Variants in DPYSL5 observed in about 807,000 individuals in gnomAD.
DPYSL5 encodes the protein dihydropyrimidinase like 5.
DPYSL5 carries 9 observed loss-of-function variants against 58.4 expected under a neutral mutation model. That is an observed-to-expected ratio of 0.15 (90% CI 0.09 to 0.27). The LOEUF is 0.27. Among genes scored for constraint, DPYSL5 ranks in the 10% least tolerant of loss-of-function variants. DPYSL5 has a pLI of 1.00. For synonymous variants in DPYSL5, 293 were observed against 301.9 expected, an observed-to-expected ratio of 0.97 and a Z score of 0.31; for missense variants, 499 against 770.6, an observed-to-expected ratio of 0.65 and a Z score of 4.17.
chr2:26,868,247 C>T (rs552390790), intron 1 of DPYSL5, among the ~76,000 whole-genome samples: 2 of 152,244 alleles, frequency 1.3e-5, no homozygotes, highest in South Asian at 2.1e-4. Context: ...CTGTCATATG[C>T]GCTGCACATG....
At chr2:26,881,710 T>A (rs1364942539) in intron 1 of DPYSL5, among the ~76,000 whole-genome samples, 1 of 152,164 alleles carries the variant, frequency 6.6e-6, no homozygotes, top group African/African-American at 2.4e-5. Context: ...TAAGTACAAG[T>A]ATCTGGTGCC....
chr2:26,875,831 C>T (rs1663397026), intron 1 of DPYSL5, among the ~76,000 whole-genome samples: 1 of 152,124 alleles, frequency 6.6e-6, no homozygotes, highest in Non-Finnish European at 1.5e-5. Context: ...GTTCCAATTC[C>T]ACCTCTCCTA....
rs772554021 is a variant in DPYSL5 at position 26,864,526 on chromosome 2, G to T, written c.-5+16272G>T. 2.0e-5 allele frequency among the ~76,000 whole-genome samples: 3 copies of T among 152,220 alleles called. No homozygotes were observed. The East Asian group carries it at 5.8e-4, about 29-fold the overall frequency. On this transcript the variant is annotated intron_variant, in intron 1 of 12. Transcript: ENST00000288699. ...CATCTAAGTACCACGGAAAGGAAAA[G>T]GTGGATGGAGGTGCTGGTCTTGAAG...
chr2:26,914,142 G>T (rs1664506886), intron 2 of DPYSL5, among the ~76,000 whole-genome samples: 1 of 152,178 alleles, frequency 6.6e-6, no homozygotes, highest in African/African-American at 2.4e-5. Context: ...CTGGGATACG[G>T]AGTAAAAATA....
rs1210721277 is a variant in DPYSL5 at position 26,942,612 on chromosome 2, C to T, written c.1302C>T (p.Gly434=). 1 of 1,614,162 alleles carries T rather than the reference C, an allele frequency of 6.2e-7. No homozygotes were observed. The highest frequency in any genetic ancestry group is 1.7e-5 in the Admixed American group (1 of 60,022). ...TGTATGAGAACATGCGCTGCCACGG[C>T]GTGCCACTGGTCACCATCAGCCGGG... ...FNLYENMRCH[G]VPLVTISRGR... The change falls in exon 11 of 13, where the codon GGC becomes GGT. Residue 434 remains glycine, a synonymous_variant. Transcript: ENST00000288699. The surrounding 1 kb of genome is among the most constrained non-coding windows in gnomAD (Gnocchi z 5.9).
chr2:26,883,323 C>T (rs1663621790), intron 1 of DPYSL5, among the ~76,000 whole-genome samples: 1 of 152,130 alleles, frequency 6.6e-6, no homozygotes, highest in Non-Finnish European at 1.5e-5. Flanking sequence ...TGCCTACGTA[C>T]TATAATTCCC....
At position 26,849,660 on chromosome 2, in the gene DPYSL5, C is replaced by T. The variant is rs894586771; in HGVS notation, c.-5+1406C>T. Among the ~76,000 whole-genome samples, 3 of 152,224 alleles carry T rather than the reference C, an allele frequency of 2.0e-5. No homozygotes were observed. The highest frequency in any genetic ancestry group is 2.9e-5 in the Non-Finnish European group (2 of 68,030). The stretch of plus-strand genomic sequence containing the variant: ...GGAGGCGGATCTCCCTTCGGGGAGA[C>T]CCGGAGAACAATAGCCGACCCTGGT... On this transcript the variant is annotated intron_variant, in intron 1 of 12. Transcript: ENST00000288699. This position sits in a 1 kb window ranked among gnomAD's most constrained non-coding sequence, Gnocchi z 6.2.
chr2:26,939,972 C>T lies in DPYSL5; in HGVS notation c.948-59C>T, dbSNP rs749117660. On this transcript the variant is annotated intron_variant, in intron 8 of 12. Transcript: ENST00000288699. Reference sequence around the variant, plus strand: ...GGAGGATTTTCCCTATATCTATCCTCACCCTCTAAGTTCCTCACCTCCCCT... The same window carrying T: ...GGAGGATTTTCCCTATATCTATCCTTACCCTCTAAGTTCCTCACCTCCCCT... 1.1e-4 allele frequency: 179 copies of T among 1,606,518 alleles called. 1 individual carries two copies. The African/African-American group carries it at 2.2e-3, about 20-fold the overall frequency.
chr2:26,942,756 G>A lies in DPYSL5; in HGVS notation c.1440+6G>A, dbSNP rs1167123493. ...AGCTGGTCCAGAGAGAGAAGGTGAG[G>A]TGGGAGGAGGAAGATGCAGGGGTGT... On this transcript the variant is annotated splice_donor_region_variant and intron_variant, in intron 11 of 12. Transcript: ENST00000288699. The surrounding 1 kb of genome is among the most constrained non-coding windows in gnomAD (Gnocchi z 5.9). 1 of 1,612,594 alleles carries A rather than the reference G, an allele frequency of 6.2e-7. No individual in the cohort carries two copies. The highest frequency in any genetic ancestry group is 8.5e-7 in the Non-Finnish European group (1 of 1,178,842).
At position 26,928,277 on chromosome 2, in the gene DPYSL5, T is replaced by C. The variant is rs765971797; in HGVS notation, c.623T>C (p.Leu208Ser). 2 of 1,613,942 alleles carry C rather than the reference T, an allele frequency of 1.2e-6. No individual in the cohort carries two copies. The highest frequency in any genetic ancestry group is 3.3e-5 in the Admixed American group (2 of 59,998). Residue 208 changes from leucine (L) to serine (S), a missense_variant, in exon 5 of 13, where the codon TTG becomes TCG. This residue lies in a region of DPYSL5 where 404 missense variants were observed against 647.6 expected (regional missense o/e 0.62). Coordinates refer to ENST00000288699, the MANE Select transcript of DPYSL5 (RefSeq NM_020134.4). The part of the protein sequence containing the change: ...VAEGAKEALD[L>S]GITGPEGIEI... ...CAGGGTGCTAAGGAGGCACTGGATT[T>C]GGGGATCACAGGCCCAGAAGGAATC...
intron 6 of DPYSL5, 81 bp downstream of exon 6, chr2:26,931,765 T>C: frequency 1.3e-6 from 2 of 1,510,402 alleles, no homozygotes; most frequent in Non-Finnish European, 9.2e-7. Context: ...CCCAGCACTT[T>C]GGGAGGCCGA....
intron 1 of DPYSL5, among the ~76,000 whole-genome samples, chr2:26,895,766 T>A (rs1463645367): frequency 1.3e-5 from 2 of 148,964 alleles, no homozygotes; most frequent in Admixed American, 6.6e-5. Flanking sequence ...CTGTTCTCTA[T>A]TTCTTTTTCT....
At position 26,934,781 on chromosome 2, in the gene DPYSL5, A is replaced by T; in HGVS notation, c.947+47A>T. The stretch of plus-strand genomic sequence containing the variant: ...TTGCAGGGATGTGTACATCTTTAGG[A>T]AGACGTCATAGAGGGCCCAGGAAAC... On this transcript the variant is annotated intron_variant, in intron 8 of 12. Transcript: ENST00000288699. The surrounding 1 kb of genome is among the most constrained non-coding windows in gnomAD (Gnocchi z 4.3). The T allele has an allele frequency of 6.2e-7, 1 of 1,604,130 alleles. No homozygotes were observed. Among genetic ancestry groups the T allele is most frequent in the Non-Finnish European group, 8.5e-7 (1 of 1,174,228 alleles).
At chr2:26,932,137 G>GAGAAAGAAAGAAAGAA (rs531719106) in intron 6 of DPYSL5, among the ~76,000 whole-genome samples, 11 of 59,738 alleles carry the variant, frequency 1.8e-4, no homozygotes, top group Non-Finnish European at 2.3e-4. Flanking sequence ...AAGAAAGAAA[G>GAGAAAGAAAGAAAGAA]AGAAAGAAAG....
chr2:26,924,144 G>A lies in DPYSL5; in HGVS notation c.262-743G>A, dbSNP rs948318310. Reference sequence around the variant, plus strand: ...TTTCCTGGGGGTTCACTCTATGATTGCGAGTGAGGCTTTTTAACAATTTCT... The same window carrying A: ...TTTCCTGGGGGTTCACTCTATGATTACGAGTGAGGCTTTTTAACAATTTCT... On this transcript the variant is annotated intron_variant, in intron 2 of 12. Transcript: ENST00000288699. This position sits in a 1 kb window ranked among gnomAD's most constrained non-coding sequence, Gnocchi z 4.7. 3.9e-5 allele frequency among the ~76,000 whole-genome samples: 6 copies of A among 152,170 alleles called. No individual in the cohort carries two copies. Among genetic ancestry groups the A allele is most frequent in the African/African-American group, 1.4e-4 (6 of 41,438 alleles).
In DPYSL5 at chr2:26,851,197, T is replaced by C. The variant is rs1665741495; in HGVS notation, c.-5+2943T>C. Among the ~76,000 whole-genome samples the C allele has an allele frequency of 3.3e-5, 5 of 152,128 alleles. No homozygotes were observed. The South Asian group carries it at 1.0e-3, about 31-fold the overall frequency. ...AGGGAACAATTTCAGGAAGGAGTGTTTTGTTGGCTTCTTTTTTGTAATAAT... is the reference window on the plus strand; with the variant it reads ...AGGGAACAATTTCAGGAAGGAGTGTCTTGTTGGCTTCTTTTTTGTAATAAT... On this transcript the variant is annotated intron_variant, in intron 1 of 12. Coordinates refer to ENST00000288699, the MANE Select transcript of DPYSL5 (RefSeq NM_020134.4).
intron 2 of DPYSL5, among the ~76,000 whole-genome samples, chr2:26,899,136 T>C (rs1163880439): frequency 2.6e-5 from 4 of 152,216 alleles, no homozygotes; most frequent in African/African-American, 9.6e-5. Context: ...TATGATAAAC[T>C]GAATTAAATT....
intron 1 of DPYSL5, among the ~76,000 whole-genome samples, chr2:26,883,393 GTTTGTTTGTT>G (rs1045959981): frequency 1.8e-4 from 27 of 152,132 alleles, no homozygotes; most frequent in Non-Finnish European, 3.4e-4. Context: ...CTTATTGTTT[GTTTGTTTGTT>G]TTTGTTTGTT....
In DPYSL5 at chr2:26,898,445, T is replaced by C. The variant is rs1664070182; in HGVS notation, c.-4-51T>C. 1 of 1,586,680 alleles carries C rather than the reference T, an allele frequency of 6.3e-7. No individual in the cohort carries two copies. The highest frequency in any genetic ancestry group is 8.6e-7 in the Non-Finnish European group (1 of 1,163,142). ...GGCTTTGATAGGAGGGATGGGAAAC[T>C]GGAAACAGTGAGAAGGGACTTTGAC... On this transcript the variant is annotated intron_variant, in intron 1 of 12. Transcript: ENST00000288699. This position sits in a 1 kb window ranked among gnomAD's most constrained non-coding sequence, Gnocchi z 6.1.
Sources: gnomAD v4.1 joint callset for allele counts (sites outside exome capture counted in the v4.1 genomes callset) on GRCh38, gnomAD v4.1.1 for gene constraint, gnomAD v4.1.1 regional missense constraint, Gnocchi (gnomAD v3.1) non-coding constraint, MANE v1.5 for transcripts, NCBI Gene and HGNC (gene_info 2026-07-23, HGNC 2026-07-21) for gene names.